PDE9A: variants seen among roughly 807,000 people sequenced by gnomAD.
The protein encoded by PDE9A is high affinity cGMP-specific 3',5'-cyclic phosphodiesterase 9A.
PDE9A carries 60 observed loss-of-function variants against 87.4 expected under a neutral mutation model. The ratio of observed to expected loss-of-function variants is 0.69; its 90% CI spans 0.56 to 0.85. The LOEUF is 0.85. Among genes scored for constraint, PDE9A ranks in the 40% least tolerant of loss-of-function variants. The probability of loss-of-function intolerance (pLI) is 0.00; values close to 1 mark genes in which losing one functional copy is unlikely to be tolerated. For synonymous variants in PDE9A, 272 were observed against 279.4 expected (o/e 0.97, Z 0.27); for missense variants, 665 against 779.0 (o/e 0.85, Z 1.74).
At chr21:42,742,504 C>T (rs1219341918) in intron 7 of PDE9A, among the ~76,000 whole-genome samples, 1 of 126,616 alleles carries the variant, frequency 7.9e-6, no homozygotes, top group East Asian at 2.6e-4. Context: ...CTCACTCTGT[C>T]CCCCAGGCCA....
Position 42,743,531 on chromosome 21 carries a change from C to T in PDE9A, c.569-245C>T, listed in dbSNP as rs145048514. On this transcript the variant is annotated intron_variant, in intron 7 of 19. Transcript: ENST00000291539. Reference sequence around the variant, plus strand: ...GAGCTTCTGCCTTCTGAAAACTGCCCGGATGGATGCGGTAGTGCAGCGGTG... The same window carrying T: ...GAGCTTCTGCCTTCTGAAAACTGCCTGGATGGATGCGGTAGTGCAGCGGTG... Among the ~76,000 whole-genome samples, 709 of 152,222 alleles carry T rather than the reference C, an allele frequency of 4.7e-3. 6 individuals are homozygous for T. Among genetic ancestry groups the T allele is most frequent in the African/African-American group, 0.016 (670 of 41,536 alleles).
At chr21:42,766,097 G>A (rs527718549) in intron 15 of PDE9A, among the ~76,000 whole-genome samples, 6 of 152,352 alleles carry the variant, frequency 3.9e-5, no homozygotes, top group South Asian at 4.1e-4. Context: ...GGGAGGCCAC[G>A]GCAGGAGGAT....
rs1477218267 is a variant in PDE9A at position 42,759,440 on chromosome 21, TGA to T, written c.897+357_897+358del. 6.9e-6 allele frequency among the ~76,000 whole-genome samples: 1 copy of T among 144,580 alleles called. No individual in the cohort carries two copies. The highest frequency in any genetic ancestry group is 2.6e-5 in the African/African-American group (1 of 38,038). The allele number at this position is 144,580 out of a possible 152,430, so 94.9% of individuals were successfully genotyped here. Reference sequence around the variant, plus strand: ...GAGAGTGAGTATGGGGGTGTGGATGTGAGTGTGTGTGAGTGTGGGGTGTGGAT... The same window carrying T: ...GAGAGTGAGTATGGGGGTGTGGATGTGTGTGTGTGAGTGTGGGGTGTGGAT... On this transcript the variant is annotated intron_variant, in intron 11 of 19. Transcript: ENST00000291539. This position sits in a 1 kb window ranked among gnomAD's most constrained non-coding sequence, Gnocchi z 7.2.
At position 42,659,875 on chromosome 21, in the gene PDE9A, C is replaced by A. The variant is rs1246911909; in HGVS notation, c.69+5992C>A. On this transcript the variant is annotated intron_variant, in intron 1 of 19. Coordinates refer to ENST00000291539, the MANE Select transcript of PDE9A (RefSeq NM_002606.3). This position sits in a 1 kb window ranked among gnomAD's most constrained non-coding sequence, Gnocchi z 4.1. ...CTCGTTGTCAGCGAGGTAAATCTAG[C>A]GCAGAGGAAGGGCACACTGTCCCCG... Among the ~76,000 whole-genome samples, 1 of 152,204 alleles carries A rather than the reference C, an allele frequency of 6.6e-6. No homozygotes were observed. Among genetic ancestry groups the A allele is most frequent in the African/African-American group, 2.4e-5 (1 of 41,444 alleles).
intron 4 of PDE9A, among the ~76,000 whole-genome samples, chr21:42,712,286 G>A (rs1266831432): frequency 6.6e-6 from 1 of 152,062 alleles, no homozygotes; most frequent in South Asian, 2.1e-4. Flanking sequence ...CTGTTTTCTG[G>A]TTTTATTGTG....
chr21:42,729,854 G>T (rs2051535456), intron 4 of PDE9A, among the ~76,000 whole-genome samples: 1 of 152,096 alleles, frequency 6.6e-6, no homozygotes. Context: ...TCCTCGTGTG[G>T]TCAGAGGACA....
intron 1 of PDE9A, among the ~76,000 whole-genome samples, chr21:42,685,764 G>A (rs924074939): frequency 4.6e-5 from 7 of 152,010 alleles, no homozygotes; most frequent in African/African-American, 1.5e-4. Flanking sequence ...CACCGCGCCC[G>A]GCCTTTTTTT....
At chr21:42,726,494 G>A (rs574929004) in intron 4 of PDE9A, among the ~76,000 whole-genome samples, 116 of 148,988 alleles carry the variant, frequency 7.8e-4, no homozygotes, top group Non-Finnish European at 1.3e-3. Flanking sequence ...TGAATTCTAG[G>A]TCAAGGCTCT....
intron 4 of PDE9A, among the ~76,000 whole-genome samples, chr21:42,710,179 G>A (rs1367764127): frequency 1.3e-5 from 2 of 152,106 alleles, no homozygotes; most frequent in Non-Finnish European, 1.5e-5. Flanking sequence ...AGGCCGAGGC[G>A]GGCGGATCAC....
rs1411364502 is a variant in PDE9A at position 42,705,200 on chromosome 21, C to T, written c.262+6189C>T. ...TCTTCGCCTGATCATGGGAGGGAAT[C>T]AAATGGATAGAGCATTTATCCCTTT... On this transcript the variant is annotated intron_variant, in intron 4 of 19. Coordinates refer to ENST00000291539, the MANE Select transcript of PDE9A (RefSeq NM_002606.3). This position sits in a 1 kb window ranked among gnomAD's most constrained non-coding sequence, Gnocchi z 4.3. 6.6e-6 allele frequency among the ~76,000 whole-genome samples: 1 copy of T among 152,132 alleles called. No homozygotes were observed.
chr21:42,767,093 G>A (rs564151702), intron 15 of PDE9A, among the ~76,000 whole-genome samples: 20 of 152,202 alleles, frequency 1.3e-4, no homozygotes, highest in Admixed American at 3.9e-4. Flanking sequence ...GCCAGGCATC[G>A]TCTCACTGCT....
At chr21:42,773,756 G>C (rs888861859) in intron 19 of PDE9A, among the ~76,000 whole-genome samples, 1 of 143,406 alleles carries the variant, frequency 7.0e-6, no homozygotes, top group Non-Finnish European at 1.6e-5. Context: ...AGCCAAGATC[G>C]CGCCACTGCA....
rs763467794 is a variant in PDE9A, at chr21:42,702,820, C to T, written c.262+3809C>T. Among the ~76,000 whole-genome samples, 4 of 152,214 alleles carry T rather than the reference C, an allele frequency of 2.6e-5. No individual in the cohort carries two copies. Among genetic ancestry groups the T allele is most frequent in the Admixed American group, 6.5e-5 (1 of 15,288 alleles). On this transcript the variant is annotated intron_variant, in intron 4 of 19. Coordinates refer to ENST00000291539, the MANE Select transcript of PDE9A (RefSeq NM_002606.3). The surrounding 1 kb of genome is among the most constrained non-coding windows in gnomAD (Gnocchi z 4.9). ...AAATGTTTGGAGATGAGAATGAAAG[C>T]GCCAGGGCCTTGAAGGTCGTTGCAA...
At chr21:42,711,526 C>T (rs147800816) in intron 4 of PDE9A, among the ~76,000 whole-genome samples, 216 of 152,192 alleles carry the variant, frequency 1.4e-3, no homozygotes, top group African/African-American at 4.4e-3. Context: ...GCTGAGCCAC[C>T]GCACCAGGCC....
intron 4 of PDE9A, among the ~76,000 whole-genome samples, chr21:42,716,692 CAT>C (rs143190078): frequency 0.061 from 9,047 of 148,414 alleles, 857 homozygotes; most frequent in African/African-American, 0.2. Flanking sequence ...GTTATTGTGT[CAT>C]ATGTTTTATA....
At chr21:42,662,829 ACACCCAC>A (rs1269136489) in intron 1 of PDE9A, among the ~76,000 whole-genome samples, 2 of 136,660 alleles carry the variant, frequency 1.5e-5, no homozygotes, top group East Asian at 2.2e-4. Context: ...ACACACGCAC[ACACCCAC>A]CACACACCAC....
At position 42,760,009 on chromosome 21, in the gene PDE9A, A is replaced by C. The variant is rs952205813; in HGVS notation, c.898-319A>C. ...CCCTCTTGGAGTCTCCCCTCCCCCC[A>C]TCCCCTAACTTTATGCCCCACTGTG... On this transcript the variant is annotated intron_variant, in intron 11 of 19. Transcript: ENST00000291539. The surrounding 1 kb of genome is among the most constrained non-coding windows in gnomAD (Gnocchi z 5.2). Among the ~76,000 whole-genome samples the C allele has an allele frequency of 6.6e-6, 1 of 151,428 alleles. No homozygotes were observed. Among genetic ancestry groups the C allele is most frequent in the Non-Finnish European group, 1.5e-5 (1 of 67,864 alleles).
chr21:42,654,295 G>T (rs1021282464), intron 1 of PDE9A, among the ~76,000 whole-genome samples: 2 of 152,038 alleles, frequency 1.3e-5, no homozygotes, highest in African/African-American at 4.8e-5. Context: ...GCGCCGGCGG[G>T]GACACTGCTC....
At chr21:42,686,357 C>G in intron 2 of PDE9A, 95 bp downstream of exon 2, 1 of 942,310 alleles carries the variant, frequency 1.1e-6, no homozygotes, top group Non-Finnish European at 1.7e-6. Context: ...GCTGAAGGGC[C>G]CGAGGCACCG....
Sources: allele counts gnomAD v4.1 joint callset (sites outside exome capture counted in the v4.1 genomes callset), GRCh38; gene constraint gnomAD v4.1.1; non-coding constraint Gnocchi (gnomAD v3.1); transcripts MANE v1.5; gene names NCBI Gene and HGNC (gene_info 2026-07-23, HGNC 2026-07-21).